The following DCK variants were observed in gnomAD, a reference collection of about 807,000 sequenced individuals.
DCK encodes deoxyadenosine kinase.
In DCK, 23 loss-of-function variants were observed where a neutral mutation model predicts 38.3. The observed-to-expected ratio is 0.60, with a 90% CI of 0.43 to 0.85. The LOEUF (loss-of-function observed/expected upper bound fraction) is 0.85. Ranked by LOEUF, DCK falls within the 40% of genes least tolerant of loss-of-function variation. DCK has a pLI of 0.00. For synonymous variants in DCK, 108 were observed against 100.6 expected, an observed-to-expected ratio of 1.07 and a Z score of -0.44; for missense variants, 259 against 304.4, an observed-to-expected ratio of 0.85 and a Z score of 1.11.
intron 1 of DCK, among the ~76,000 whole-genome samples, chr4:70,996,351 A>G (rs576086213): frequency 2.0e-4 from 31 of 152,330 alleles, no homozygotes; most frequent in African/African-American, 7.2e-4. Context: ...CTACAGAGTG[A>G]GACCCTGTGT....
At chr4:71,004,013 T>G (rs1310224526) in intron 2 of DCK, among the ~76,000 whole-genome samples, 4 of 152,214 alleles carry the variant, frequency 2.6e-5, no homozygotes, top group Non-Finnish European at 4.4e-5. Flanking sequence ...CGAGGAGTTG[T>G]GGTCCTTTGG....
At chr4:71,023,427 T>C in intron 3 of DCK, 132 bp from the exon 4 acceptor site, 1 of 602,694 alleles carries the variant, frequency 1.7e-6, no homozygotes, top group Non-Finnish European at 2.8e-6. Context: ...GAAAGACTCT[T>C]GTCTTTTTCT....
intron 6 of DCK, among the ~76,000 whole-genome samples, chr4:71,028,877 C>T (rs1740612082): frequency 6.6e-6 from 1 of 152,194 alleles, no homozygotes; most frequent in East Asian, 1.9e-4. Flanking sequence ...TCTGCCTTGG[C>T]CTCCCTAGTA....
At chr4:71,011,774 T>C (rs1740096343) in intron 2 of DCK, among the ~76,000 whole-genome samples, 1 of 152,214 alleles carries the variant, frequency 6.6e-6, no homozygotes, top group African/African-American at 2.4e-5. Flanking sequence ...GATAAATGAT[T>C]TTATAGCTGA....
Position 70,993,865 on chromosome 4 carries a change from G to C in DCK, c.30G>C (p.Pro10=), listed in dbSNP as rs772742361. 6.5e-5 allele frequency: 105 copies of C among 1,613,848 alleles called. No homozygotes were observed. Among genetic ancestry groups the C allele is most frequent in the Middle Eastern group, 1.6e-4 (1 of 6,084 alleles). Residue 10 remains proline, a synonymous_variant, in exon 1 of 7, where the codon CCG becomes CCC. Transcript: ENST00000286648. The part of the protein sequence containing the change: MATPPKRSC[P]SFSASSEGTR... Reference sequence around the variant, plus strand: ...CCACCCCGCCCAAGAGAAGCTGCCCGTCTTTCTCAGCCAGCTCTGAGGGGA... The same window carrying C: ...CCACCCCGCCCAAGAGAAGCTGCCCCTCTTTCTCAGCCAGCTCTGAGGGGA...
rs749800459 is a variant in DCK, at chr4:70,993,850, C to G, written c.15C>G (p.Pro5=). The change falls in exon 1 of 7, where the codon CCC becomes CCG. Residue 5 remains proline, a synonymous_variant. Coordinates refer to ENST00000286648, the MANE Select transcript of DCK (RefSeq NM_000788.3). The part of the protein sequence containing the change: MATP[P]KRSCPSFSAS... The stretch of plus-strand genomic sequence containing the variant: ...AAGACTAAGGAATGGCCACCCCGCC[C>G]AAGAGAAGCTGCCCGTCTTTCTCAG... 2 of 1,613,728 alleles carry G rather than the reference C, an allele frequency of 1.2e-6. No individual in the cohort carries two copies. The highest frequency in any genetic ancestry group is 1.1e-5 in the South Asian group (1 of 91,016).
At chr4:71,013,389 A>C (rs367603910) in intron 2 of DCK, among the ~76,000 whole-genome samples, 7 of 152,312 alleles carry the variant, frequency 4.6e-5, no homozygotes, top group African/African-American at 1.4e-4. Context: ...CCAACATTCA[A>C]ATTCAGGAAA....
intron 2 of DCK, among the ~76,000 whole-genome samples, chr4:70,999,616 G>C (rs1006403561): frequency 4.6e-5 from 7 of 152,184 alleles, no homozygotes; most frequent in African/African-American, 1.7e-4. Context: ...CACAGTGGTT[G>C]AACTAATTTA....
At chr4:71,011,974 AG>A (rs1171716417) in intron 2 of DCK, among the ~76,000 whole-genome samples, 1 of 152,142 alleles carries the variant, frequency 6.6e-6, no homozygotes, top group Non-Finnish European at 1.5e-5. Context: ...ATTTTGGTGG[AG>A]GTGATATGTA....
chr4:71,023,336 C>A (rs1162759685), intron 3 of DCK, among the ~76,000 whole-genome samples: 1 of 152,174 alleles, frequency 6.6e-6, no homozygotes, highest in South Asian at 2.1e-4. Context: ...TCTGGCCTCT[C>A]ACAGAACCCC....
chr4:71,011,052 T>C (rs971813169), intron 2 of DCK, among the ~76,000 whole-genome samples: 1 of 151,818 alleles, frequency 6.6e-6, no homozygotes, highest in Non-Finnish European at 1.5e-5. Context: ...TTTTCCTGCC[T>C]TAGCCTTCCA....
chr4:71,026,528 GAAGTACTGCA>G, intron 5 of DCK, 127 bp from the exon 6 acceptor site: 1 of 627,662 alleles, frequency 1.6e-6, no homozygotes, highest in Non-Finnish European at 2.8e-6. Context: ...GCTGCCAGAT[GAAGTACTGCA>G]AAGTAACTTT....
intron 2 of DCK, among the ~76,000 whole-genome samples, chr4:71,006,784 A>C (rs1340698604): frequency 2.0e-5 from 3 of 152,172 alleles, no homozygotes; most frequent in Admixed American, 6.5e-5. Context: ...CTCTAGCCTG[A>C]GTGACAGCAA....
At chr4:71,025,124 C>T (rs1166205660) in intron 4 of DCK, among the ~76,000 whole-genome samples, 1 of 152,020 alleles carries the variant, frequency 6.6e-6, no homozygotes, top group Admixed American at 6.6e-5. Context: ...GGTATATGAG[C>T]CCCCACAAAT....
chr4:71,013,231 C>G (rs1340730502), intron 2 of DCK, among the ~76,000 whole-genome samples: 7 of 152,136 alleles, frequency 4.6e-5, no homozygotes, highest in Non-Finnish European at 1.5e-5. Flanking sequence ...AAGAAATGAA[C>G]AAAACCTCCA....
intron 2 of DCK, among the ~76,000 whole-genome samples, chr4:71,009,941 A>G (rs1401952289): frequency 6.6e-6 from 1 of 152,188 alleles, no homozygotes; most frequent in Non-Finnish European, 1.5e-5. Flanking sequence ...AGGTTATAGT[A>G]TGAATCACCC....
intron 6 of DCK, 121 bp downstream of exon 6, chr4:71,026,876 C>A: frequency 1.8e-6 from 1 of 567,538 alleles, no homozygotes. Flanking sequence ...CAGTTAAGAG[C>A]TTTAGAAGAT....
At chr4:71,013,199 A>C (rs1267308507) in intron 2 of DCK, among the ~76,000 whole-genome samples, 1 of 152,220 alleles carries the variant, frequency 6.6e-6, no homozygotes, top group Non-Finnish European at 1.5e-5. Context: ...TGAGAAGAGA[A>C]GTTTAGAGAA....
rs536714049 is a variant in DCK at position 71,024,259 on chromosome 4, A to AG, written c.549+555dup. Among the ~76,000 whole-genome samples the AG allele has an allele frequency of 1.7e-3, 260 of 152,248 alleles. 1 individual carries two copies. Among genetic ancestry groups the AG allele is most frequent in the African/African-American group, 6.0e-3 (249 of 41,556 alleles). ...CAGCTATCGTTGGGAAAAGACTTAG[A>AG]GGACCCTTGCCATTTTCCATTAAGG... On this transcript the variant is annotated intron_variant, in intron 4 of 6. Coordinates refer to ENST00000286648, the MANE Select transcript of DCK (RefSeq NM_000788.3).
Sources: allele counts gnomAD v4.1 joint callset (sites outside exome capture counted in the v4.1 genomes callset), GRCh38; gene constraint gnomAD v4.1.1; transcripts MANE v1.5; gene names NCBI Gene and HGNC (gene_info 2026-07-23, HGNC 2026-07-21).